PRMT3: variants seen among roughly 807,000 people sequenced by gnomAD.
The protein encoded by PRMT3 is protein arginine N-methyltransferase 3.
Under a neutral mutation model 71.9 loss-of-function variants are expected in PRMT3, and 62 were observed. That is an observed-to-expected ratio of 0.86 (90% CI 0.70 to 1.07). PRMT3 has a LOEUF of 1.07. PRMT3 is among the 50% of genes least tolerant of loss of function. The pLI, the probability that PRMT3 is intolerant of heterozygous loss-of-function variation, is 0.00. For missense variants in PRMT3, 663 were observed against 643.0 expected (o/e 1.03, Z -0.34); for synonymous variants, 213 against 220.4 (o/e 0.97, Z 0.30).
At chr11:20,444,104 T>C (rs979167905) in intron 10 of PRMT3, among the ~76,000 whole-genome samples, 19 of 152,292 alleles carry the variant, frequency 1.2e-4, no homozygotes, top group African/African-American at 3.6e-4. Context: ...TTGTGATTAA[T>C]ACATGTAAAA....
intron 13 of PRMT3, among the ~76,000 whole-genome samples, chr11:20,469,012 C>G (rs997411279): frequency 6.6e-6 from 1 of 151,766 alleles, no homozygotes; most frequent in Non-Finnish European, 1.5e-5. Flanking sequence ...CTTGAATCAT[C>G]TATAATGATT....
chr11:20,409,823 T>C (rs1849156816), intron 9 of PRMT3, among the ~76,000 whole-genome samples: 1 of 152,124 alleles, frequency 6.6e-6, no homozygotes, highest in African/African-American at 2.4e-5. Context: ...GTACCCTCAA[T>C]TGCTTATTCA....
At chr11:20,428,862 A>G (rs1232232648) in intron 10 of PRMT3, among the ~76,000 whole-genome samples, 2 of 152,212 alleles carry the variant, frequency 1.3e-5, no homozygotes, top group South Asian at 2.1e-4. Context: ...GGCAAAAGCT[A>G]TTTCTTTTGT....
At chr11:20,495,190 A>G (rs1441663584) in intron 15 of PRMT3, among the ~76,000 whole-genome samples, 1 of 152,008 alleles carries the variant, frequency 6.6e-6, no homozygotes, top group African/African-American at 2.4e-5. Flanking sequence ...TAATTTTTGT[A>G]TTTTTAGTAG....
intron 10 of PRMT3, 47 bp downstream of exon 10, chr11:20,426,912 CTTT>C (rs1313785959): frequency 1.0e-5 from 15 of 1,476,666 alleles, no homozygotes; most frequent in Middle Eastern, 1.8e-4. Flanking sequence ...AATGAAAAAA[CTTT>C]TTTAAAGTAA....
At chr11:20,482,921 G>A (rs531860587) in intron 13 of PRMT3, among the ~76,000 whole-genome samples, 1 of 152,078 alleles carries the variant, frequency 6.6e-6, no homozygotes, top group East Asian at 1.9e-4. Flanking sequence ...TATAATATTT[G>A]CCAGATTTTT....
At chr11:20,424,045 G>A (rs1849486080) in intron 9 of PRMT3, among the ~76,000 whole-genome samples, 1 of 151,856 alleles carries the variant, frequency 6.6e-6, no homozygotes, top group African/African-American at 2.4e-5. Flanking sequence ...TTAGCTGGGT[G>A]TGGTGGCGGG....
At chr11:20,462,878 A>G (rs1321619295) in intron 12 of PRMT3, among the ~76,000 whole-genome samples, 1 of 146,258 alleles carries the variant, frequency 6.8e-6, no homozygotes, top group Non-Finnish European at 1.5e-5. Flanking sequence ...TCTCAAGAGA[A>G]AAAAAAAAAA....
rs777211357 is a variant in PRMT3, at chr11:20,388,038, G to T, written c.48G>T (p.Glu16Asp). The T allele has an allele frequency of 6.2e-7, 1 of 1,614,000 alleles. No homozygotes were observed. The highest frequency in any genetic ancestry group is 2.2e-5 in the East Asian group (1 of 44,856). ...TGTTAGGCGGCCGGGGCGCTGTGGA[G>T]AATGAGGAGGACCTGCCAGAACTGT... ...SGATGGRGAV[E>D]NEEDLPELSD... The change falls in exon 2 of 16, where the codon GAG (glutamate) becomes GAT (aspartate). Residue 16 changes from glutamate to aspartate, a missense_variant. Glu to Asp is a conservative substitution (Grantham distance 45). Transcript: ENST00000331079.
chr11:20,484,663 T>TGTAA (rs1448074480), intron 13 of PRMT3, among the ~76,000 whole-genome samples: 1 of 152,214 alleles, frequency 6.6e-6, no homozygotes, highest in Non-Finnish European at 1.5e-5. Flanking sequence ...CACGTGGAAC[T>TGTAA]GTAAGTCCCA....
At position 20,476,410 on chromosome 11, in the gene PRMT3, TATGAACATTTTAATATGAATG is replaced by T. The variant is rs534462988; in HGVS notation, c.1347+11886_1347+11906del. Among the ~76,000 whole-genome samples the T allele has an allele frequency of 3.6e-3, 549 of 152,296 alleles. 2 individuals are homozygous for T. Among genetic ancestry groups the T allele is most frequent in the Non-Finnish European group, 6.0e-3 (407 of 68,002 alleles). Reference sequence around the variant, plus strand: ...CACTTTAATGAAAGGAGGCAAGTACTATGAACATTTTAATATGAATGATGAACATTTTAATATGAATGTAAA... The same window carrying T: ...CACTTTAATGAAAGGAGGCAAGTACTATGAACATTTTAATATGAATGTAAA... On this transcript the variant is annotated intron_variant, in intron 13 of 15. Transcript: ENST00000331079.
At chr11:20,405,190 T>C (rs1195046949) in intron 8 of PRMT3, among the ~76,000 whole-genome samples, 1 of 152,196 alleles carries the variant, frequency 6.6e-6, no homozygotes, top group East Asian at 1.9e-4. Flanking sequence ...CAGATTAATT[T>C]AACTTTGGGT....
intron 11 of PRMT3, 117 bp from the exon 12 acceptor site, chr11:20,461,863 C>T: frequency 1.2e-6 from 1 of 843,662 alleles, no homozygotes; most frequent in Non-Finnish European, 1.7e-6. Context: ...CTTCATTAAT[C>T]TCCCATTGCT....
At chr11:20,471,850 ATTTG>A (rs1460508366) in intron 13 of PRMT3, among the ~76,000 whole-genome samples, 1 of 152,068 alleles carries the variant, frequency 6.6e-6, no homozygotes, top group African/African-American at 2.4e-5. Context: ...ATGTTTTTCA[ATTTG>A]TTTGTGTCCT....
chr11:20,474,649 A>G (rs968132598), intron 13 of PRMT3, among the ~76,000 whole-genome samples: 9 of 152,210 alleles, frequency 5.9e-5, no homozygotes, highest in Non-Finnish European at 1.0e-4. Context: ...GCAGGATCGC[A>G]CAATCACTCA....
At chr11:20,485,386 A>C (rs1014921371) in intron 13 of PRMT3, among the ~76,000 whole-genome samples, 14 of 152,238 alleles carry the variant, frequency 9.2e-5, no homozygotes, top group African/African-American at 2.9e-4. Flanking sequence ...GTAGACAATA[A>C]AAACAGAGCT....
intron 7 of PRMT3, among the ~76,000 whole-genome samples, chr11:20,399,089 T>C (rs1370506092): frequency 6.6e-6 from 1 of 152,240 alleles, no homozygotes; most frequent in African/African-American, 2.4e-5. Flanking sequence ...AAAATAAATG[T>C]TGGAACGTAA....
intron 10 of PRMT3, among the ~76,000 whole-genome samples, chr11:20,438,162 G>A (rs947932576): frequency 6.6e-6 from 1 of 152,154 alleles, no homozygotes; most frequent in Non-Finnish European, 1.5e-5. Context: ...CTGTGACAAT[G>A]GAGGCACCCT....
At chr11:20,391,355 C>G (rs1848710665) in intron 3 of PRMT3, among the ~76,000 whole-genome samples, 1 of 151,932 alleles carries the variant, frequency 6.6e-6, no homozygotes, top group Non-Finnish European at 1.5e-5. Context: ...AAGTGATTCT[C>G]CTGCCTCAGC....
Sources: allele counts gnomAD v4.1 joint callset (sites outside exome capture counted in the v4.1 genomes callset), GRCh38; gene constraint gnomAD v4.1.1; transcripts MANE v1.5; gene names NCBI Gene and HGNC (gene_info 2026-07-23, HGNC 2026-07-21).